EBF1: variants seen among roughly 807,000 people sequenced by gnomAD.
The protein encoded by EBF1 is EBF transcription factor 1.
EBF1 carries 10 observed loss-of-function variants against 68.4 expected under a neutral mutation model. The ratio of observed to expected loss-of-function variants is 0.15; its 90% CI spans 0.09 to 0.25. The LOEUF is 0.25. EBF1 is among the 10% of genes least tolerant of loss of function. The pLI is 1.00. For synonymous variants in EBF1, 298 were observed against 299.8 expected (o/e 0.99, Z 0.06); for missense variants, 509 against 794.4 (o/e 0.64, Z 4.32).
intron 10 of EBF1, among the ~76,000 whole-genome samples, chr5:158,754,394 A>T (rs1346383597): frequency 6.6e-6 from 1 of 152,116 alleles, no homozygotes; most frequent in Non-Finnish European, 1.5e-5. Flanking sequence ...CACAGCATTC[A>T]CAAACATCTC....
intron 6 of EBF1, among the ~76,000 whole-genome samples, chr5:159,045,320 C>T (rs940896096): frequency 6.6e-6 from 1 of 151,692 alleles, no homozygotes; most frequent in African/African-American, 2.4e-5. Flanking sequence ...TTTTTTGTGC[C>T]AAAACGCAGA....
intron 6 of EBF1, among the ~76,000 whole-genome samples, chr5:158,913,865 C>T (rs1271014403): frequency 1.3e-5 from 2 of 152,188 alleles, no homozygotes; most frequent in Non-Finnish European, 2.9e-5. Context: ...ACAACAAAGG[C>T]TTTAGTTTAA....
chr5:159,056,952 C>T (rs1037613513), intron 6 of EBF1, among the ~76,000 whole-genome samples: 8 of 152,042 alleles, frequency 5.3e-5, no homozygotes, highest in Non-Finnish European at 4.4e-5. Context: ...TGCAATTTGT[C>T]GCACGGTGTT....
At chr5:158,888,696 GTTTAA>G (rs1394627143) in intron 6 of EBF1, among the ~76,000 whole-genome samples, 1 of 151,984 alleles carries the variant, frequency 6.6e-6, no homozygotes, top group African/African-American at 2.4e-5. Context: ...AACCAAAAAG[GTTTAA>G]TTTGTGTCTC....
At chr5:158,982,049 A>C (rs1243656148) in intron 6 of EBF1, among the ~76,000 whole-genome samples, 2 of 152,230 alleles carry the variant, frequency 1.3e-5, no homozygotes, top group Non-Finnish European at 2.9e-5. Context: ...CTATGTGCTT[A>C]AAATGGGATT....
chr5:158,937,211 A>G (rs1222544006), intron 6 of EBF1, among the ~76,000 whole-genome samples: 2 of 152,150 alleles, frequency 1.3e-5, no homozygotes, highest in African/African-American at 4.8e-5. Context: ...CAGGGAGTTC[A>G]CATCAGCTCC....
In EBF1 at chr5:158,867,983, A is replaced by C. The variant is rs185345417; in HGVS notation, c.555-27873T>G. Among the ~76,000 whole-genome samples the C allele has an allele frequency of 1.6e-3, 245 of 151,972 alleles. 2 individuals are homozygous for C. The highest frequency in any genetic ancestry group is 1.6e-3 in the Admixed American group (25 of 15,282). ...CATGTGACTATACAAATCCTACAAA[A>C]GCTTAATTTTTTTTTTCTCTAAAGA... is the stretch of plus-strand genomic sequence containing the variant. On this transcript the variant is annotated intron_variant, in intron 6 of 15. Transcript: ENST00000313708.
At chr5:158,942,505 A>T (rs1459950399) in intron 6 of EBF1, among the ~76,000 whole-genome samples, 1 of 152,184 alleles carries the variant, frequency 6.6e-6, no homozygotes, top group Non-Finnish European at 1.5e-5. Context: ...GCCCTCAACA[A>T]ATGAGAGTCC....
intron 6 of EBF1, among the ~76,000 whole-genome samples, chr5:158,947,120 G>C (rs926620773): frequency 6.6e-6 from 1 of 152,168 alleles, no homozygotes; most frequent in Non-Finnish European, 1.5e-5. Context: ...TAGCTTGCTG[G>C]GCTCCATGGG....
At chr5:159,019,169 TG>T (rs1455538491) in intron 6 of EBF1, 1 of 152,194 alleles carries the variant, frequency 6.6e-6, no homozygotes, top group African/African-American at 2.4e-5. Flanking sequence ...TAAAGTCTAC[TG>T]GGGGTAAAAC....
intron 7 of EBF1, among the ~76,000 whole-genome samples, chr5:158,829,264 C>T (rs373900360): frequency 6.6e-5 from 10 of 151,924 alleles, no homozygotes; most frequent in South Asian, 2.1e-4. Flanking sequence ...GCAACCTCTG[C>T]GTCCCGGGCT....
intron 8 of EBF1, among the ~76,000 whole-genome samples, chr5:158,818,687 T>C (rs1296919412): frequency 6.6e-6 from 1 of 152,206 alleles, no homozygotes; most frequent in Non-Finnish European, 1.5e-5. Context: ...CAGTCTTTAT[T>C]ATAACTTTGA....
At chr5:158,737,724 T>C (rs1273248954) in intron 10 of EBF1, among the ~76,000 whole-genome samples, 3 of 152,136 alleles carry the variant, frequency 2.0e-5, no homozygotes, top group Non-Finnish European at 4.4e-5. Context: ...GTTACGTCCT[T>C]TTTACAAAGA....
chr5:159,070,885 G>A (rs966870662), intron 6 of EBF1, among the ~76,000 whole-genome samples: 8 of 152,160 alleles, frequency 5.3e-5, no homozygotes, highest in African/African-American at 1.2e-4. Context: ...CCCTAAGCAC[G>A]TAACACAGAT....
At chr5:158,875,041 G>GCACACA (rs1229419684) in intron 6 of EBF1, among the ~76,000 whole-genome samples, 7 of 102,352 alleles carry the variant, frequency 6.8e-5, no homozygotes, top group African/African-American at 1.8e-4. Flanking sequence ...ACACACACAA[G>GCACACA]CACACACACA....
At chr5:159,064,835 C>A (rs1776486970) in intron 6 of EBF1, among the ~76,000 whole-genome samples, 1 of 150,428 alleles carries the variant, frequency 6.6e-6, no homozygotes, top group Non-Finnish European at 1.5e-5. Context: ...CAGGTGAACC[C>A]TTAACCAACT....
intron 10 of EBF1, among the ~76,000 whole-genome samples, chr5:158,757,103 A>G (rs1462821490): frequency 6.6e-6 from 1 of 152,074 alleles, no homozygotes; most frequent in Non-Finnish European, 1.5e-5. Context: ...GTTTGGACCC[A>G]GATGTCAGTG....
At position 159,088,539 on chromosome 5, in the gene EBF1, G is replaced by A. The variant is rs187875724; in HGVS notation, c.412-3800C>T. ...TGGTGTATGAGTAAAGCTGGTTGGG[G>A]TTGGATCAGCTGGGAGATCACAGAA... On this transcript the variant is annotated intron_variant, in intron 4 of 15. Coordinates refer to ENST00000313708, the MANE Select transcript of EBF1 (RefSeq NM_024007.5). Among the ~76,000 whole-genome samples, 4 of 152,252 alleles carry A rather than the reference G, an allele frequency of 2.6e-5. No homozygotes were observed. The East Asian group carries it at 5.8e-4, about 22-fold the overall frequency.
At chr5:158,885,295 C>A in intron 6 of EBF1, among the ~76,000 whole-genome samples, 1 of 152,052 alleles carries the variant, frequency 6.6e-6, no homozygotes, top group East Asian at 1.9e-4. Context: ...TAAAACGGAG[C>A]CACATAAAAG....
Sources: gnomAD v4.1 joint callset for allele counts (sites outside exome capture counted in the v4.1 genomes callset) on GRCh38, gnomAD v4.1.1 for gene constraint, MANE v1.5 for transcripts, NCBI Gene and HGNC (gene_info 2026-07-23, HGNC 2026-07-21) for gene names.